DCDC1: variants seen among roughly 807,000 people sequenced by gnomAD.
DCDC1 encodes the protein doublecortin domain-containing protein 1.
DCDC1 carries 200 observed loss-of-function variants against 178.3 expected under a neutral mutation model. The observed-to-expected ratio is 1.12, with a 90% CI of 1.00 to 1.26. DCDC1 has a LOEUF of 1.26. DCDC1 is among the 50% of genes most tolerant of loss of function. The pLI is 0.00. For synonymous variants in DCDC1, 690 were observed against 604.8 expected, an observed-to-expected ratio of 1.14 and a Z score of -2.07; for missense variants, 1,983 against 1,749.2, an observed-to-expected ratio of 1.13 and a Z score of -2.38.
At chr11:30,887,865 C>T (rs187579385) in intron 36 of DCDC1, among the ~76,000 whole-genome samples, 3 of 151,706 alleles carry the variant, frequency 2.0e-5, no homozygotes, top group Non-Finnish European at 4.4e-5. Flanking sequence ...CAAAATTAGC[C>T]AAGCATTGTG....
At chr11:30,918,851 G>T (rs1451636410) in intron 25 of DCDC1, among the ~76,000 whole-genome samples, 1 of 152,062 alleles carries the variant, frequency 6.6e-6, no homozygotes, top group East Asian at 1.9e-4. Context: ...TTTTTTTCCT[G>T]CAAAGCACAG....
chr11:30,934,481 G>A lies in DCDC1; in HGVS notation c.2716-2529C>T, dbSNP rs568839721. Among the ~76,000 whole-genome samples, 22 of 152,274 alleles carry A rather than the reference G, an allele frequency of 1.4e-4. No individual in the cohort carries two copies. The South Asian group carries it at 4.1e-3, about 29-fold the overall frequency. ...TGCCATTGCTTGACTAACCAGTGAC[G>A]TTTAGGATATAGGTACAAGTTGGGA... On this transcript the variant is annotated intron_variant, in intron 21 of 38. Coordinates refer to ENST00000684477, the MANE Select transcript of DCDC1 (RefSeq NM_001387274.1).
At chr11:31,076,805 G>C (rs567509980) in intron 18 of DCDC1, among the ~76,000 whole-genome samples, 3 of 152,220 alleles carry the variant, frequency 2.0e-5, no homozygotes, top group Non-Finnish European at 1.5e-5. Flanking sequence ...CAGTGTCCCA[G>C]TGTGAGATCC....
chr11:31,283,183 T>C (rs1946570623), intron 7 of DCDC1, among the ~76,000 whole-genome samples: 1 of 152,182 alleles, frequency 6.6e-6, no homozygotes, highest in Non-Finnish European at 1.5e-5. Flanking sequence ...TCAGTCTTTC[T>C]AGGGCTCCAA....
intron 17 of DCDC1, among the ~76,000 whole-genome samples, chr11:31,088,797 G>A (rs1957625492): frequency 6.6e-6 from 1 of 151,980 alleles, no homozygotes; most frequent in Non-Finnish European, 1.5e-5. Flanking sequence ...GCTCACTATA[G>A]CCTCGACCTC....
rs1171427042 is a variant in DCDC1, at chr11:31,130,948, C to T, written c.1315-3309G>A. 1.3e-3 allele frequency among the ~76,000 whole-genome samples: 34 copies of T among 26,560 alleles called. 8 individuals carry two copies. The highest frequency in any genetic ancestry group is 3.2e-3 in the African/African-American group (30 of 9,500). The allele number at this position is 26,560 out of a possible 152,430, so 17.4% of individuals were successfully genotyped here. A position where few individuals can be genotyped will look rare whatever the true frequency, so the allele number is the denominator to read the frequency against. On this transcript the variant is annotated intron_variant, in intron 10 of 38. Transcript: ENST00000684477. ...CTGTAATCCCAGCACTTTGGGAGGC[C>T]GAGGCGGGTGGATCATGAGGTCAGG...
In DCDC1 at chr11:31,258,036, A is replaced by G. The variant is rs115850907; in HGVS notation, c.1054+7471T>C. Among the ~76,000 whole-genome samples the G allele has an allele frequency of 1.6e-3, 245 of 152,318 alleles. 2 individuals carry two copies. Among genetic ancestry groups the G allele is most frequent in the African/African-American group, 5.6e-3 (233 of 41,570 alleles). On this transcript the variant is annotated intron_variant, in intron 8 of 38. Coordinates refer to ENST00000684477, the MANE Select transcript of DCDC1 (RefSeq NM_001387274.1). ...TCACTTTTGAGGATAGGACAATTAT[A>G]CAAAGAGTGCACATAAAATCTGGAC...
At chr11:30,938,441 C>A (rs117257584) in intron 21 of DCDC1, among the ~76,000 whole-genome samples, 1 of 152,186 alleles carries the variant, frequency 6.6e-6, no homozygotes, top group Non-Finnish European at 1.5e-5. Flanking sequence ...TCTCCCCTGC[C>A]TTCAGGGTCA....
chr11:31,065,085 C>T lies in DCDC1; in HGVS notation c.2367G>A (p.Glu789=), dbSNP rs1485314389. The change falls in exon 19 of 39, where the codon GAG becomes GAA. Residue 789 remains glutamate (E), a synonymous_variant. Coordinates refer to ENST00000684477, the MANE Select transcript of DCDC1 (RefSeq NM_001387274.1). ...LNAQVDVTQT[E]YHIHHGAWTT... ...TCCAGGCACCATGGTGAATGTGATACTCTGTCTGGGTCACATCTACTTGTG... is the reference window on the plus strand; with the variant it reads ...TCCAGGCACCATGGTGAATGTGATATTCTGTCTGGGTCACATCTACTTGTG... The T allele has an allele frequency of 2.6e-6, 2 of 765,506 alleles. No homozygotes were observed. The highest frequency in any genetic ancestry group is 1.3e-5 in the South Asian group (1 of 74,554). The allele number at this position is 765,506 out of a possible 1,614,324, so 47.4% of individuals were successfully genotyped here. A position where few individuals can be genotyped will look rare whatever the true frequency, so the allele number is the denominator to read the frequency against.
chr11:31,106,232 G>A (rs1396201629), intron 13 of DCDC1, among the ~76,000 whole-genome samples: 1 of 152,200 alleles, frequency 6.6e-6, no homozygotes, highest in Admixed American at 6.5e-5. Context: ...ATATAACTTT[G>A]ATAGGATAGG....
chr11:30,887,710 C>T (rs1449338476), intron 36 of DCDC1, among the ~76,000 whole-genome samples: 1 of 152,024 alleles, frequency 6.6e-6, no homozygotes, highest in East Asian at 1.9e-4. Flanking sequence ...GCTTATTTCT[C>T]AAAGAAAAGT....
At chr11:31,224,142 G>A (rs1379079486) in intron 9 of DCDC1, among the ~76,000 whole-genome samples, 1 of 152,050 alleles carries the variant, frequency 6.6e-6, no homozygotes, top group Non-Finnish European at 1.5e-5. Context: ...CCCCAGACAT[G>A]TGAAACTGTA....
chr11:31,089,060 G>T (rs1957643321), intron 17 of DCDC1, among the ~76,000 whole-genome samples: 1 of 152,060 alleles, frequency 6.6e-6, no homozygotes, highest in African/African-American at 2.4e-5. Context: ...TTTCCATCTG[G>T]TATCATTTTA....
chr11:31,058,916 T>C (rs2135452993), intron 20 of DCDC1, among the ~76,000 whole-genome samples: 1 of 152,256 alleles, frequency 6.6e-6, no homozygotes, highest in South Asian at 2.1e-4. Flanking sequence ...CCAGAAATCA[T>C]TACCTACTAT....
At chr11:31,211,008 G>GCA (rs1972466502) in intron 9 of DCDC1, among the ~76,000 whole-genome samples, 2 of 152,096 alleles carry the variant, frequency 1.3e-5, no homozygotes, top group Non-Finnish European at 2.9e-5. Context: ...TTCTGAAGAA[G>GCA]GCTATTTTGC....
intron 1 of DCDC1, among the ~76,000 whole-genome samples, chr11:31,354,157 G>A (rs976816880): frequency 3.3e-5 from 5 of 152,102 alleles, no homozygotes; most frequent in Admixed American, 1.3e-4. Context: ...GTGGTGGCAT[G>A]TGCCTGTAGT....
At chr11:30,963,436 C>T (rs1332437273) in intron 20 of DCDC1, among the ~76,000 whole-genome samples, 1 of 152,062 alleles carries the variant, frequency 6.6e-6, no homozygotes, top group Non-Finnish European at 1.5e-5. Context: ...AGACTTTTAG[C>T]TGGGTACACG....
At position 31,290,333 on chromosome 11, in the gene DCDC1, T is replaced by C. The variant is rs1264528241; in HGVS notation, c.960+314A>G. 3.9e-5 allele frequency among the ~76,000 whole-genome samples: 6 copies of C among 152,172 alleles called. No individual in the cohort carries two copies. In the East Asian group the frequency reaches 9.7e-4, roughly 24 times the overall value. ...TAGACTGGCTTCAATCTAAATAGCTTATAAAATATTGTAACTAATTAGAAT... is the reference window on the plus strand; with the variant it reads ...TAGACTGGCTTCAATCTAAATAGCTCATAAAATATTGTAACTAATTAGAAT... On this transcript the variant is annotated intron_variant, in intron 7 of 38. Transcript: ENST00000684477.
intron 33 of DCDC1, among the ~76,000 whole-genome samples, chr11:30,900,021 C>T (rs1390085821): frequency 6.6e-6 from 1 of 152,026 alleles, no homozygotes. Flanking sequence ...ACAGGTCGTC[C>T]TCAGTGTGAA....
Sources: allele counts gnomAD v4.1 joint callset (sites outside exome capture counted in the v4.1 genomes callset), GRCh38; gene constraint gnomAD v4.1.1; transcripts MANE v1.5; gene names NCBI Gene and HGNC (gene_info 2026-07-23, HGNC 2026-07-21).